TMPRSS9: variants seen among roughly 807,000 people sequenced by gnomAD.
TMPRSS9 encodes transmembrane serine protease 9, also known as transmembrane protease serine 9.
A neutral mutation model predicts 111.4 loss-of-function variants in TMPRSS9; 113 were observed. The observed-to-expected ratio is 1.01, with a 90% CI of 0.87 to 1.19. The LOEUF is 1.19. Ranked by LOEUF, TMPRSS9 falls within the 50% of genes most tolerant of loss-of-function variation. The probability of loss-of-function intolerance (pLI) is 0.00; values close to 1 mark genes in which losing one functional copy is unlikely to be tolerated. For synonymous variants in TMPRSS9, 805 were observed against 659.1 expected (o/e 1.22, Z -3.39); for missense variants, 1,803 against 1,513.1 (o/e 1.19, Z -3.18).
chr19:2,368,774 G>GTTT (rs762761358), intron 1 of TMPRSS9, among the ~76,000 whole-genome samples: 1,684 of 70,340 alleles, frequency 0.024, 244 homozygotes, highest in Non-Finnish European at 0.035. Flanking sequence ...GATAAACCCA[G>GTTT]TTTTTTTTTT....
At chr19:2,411,836 G>A (rs956430884) in intron 9 of TMPRSS9, among the ~76,000 whole-genome samples, 3 of 152,140 alleles carry the variant, frequency 2.0e-5, no homozygotes, top group Non-Finnish European at 4.4e-5. Context: ...ACAGGTGTGA[G>A]CCACCAGGCC....
At chr19:2,367,154 C>A (rs1319625658) in intron 1 of TMPRSS9, among the ~76,000 whole-genome samples, 1 of 152,160 alleles carries the variant, frequency 6.6e-6, no homozygotes, top group Admixed American at 6.6e-5. Flanking sequence ...ACAAGTGAGT[C>A]AATAAGTCCA....
chr19:2,389,979 G>C, intron 1 of TMPRSS9, 52 bp downstream of exon 2: 1 of 1,573,882 alleles, frequency 6.4e-7, no homozygotes, highest in South Asian at 1.1e-5. Flanking sequence ...CATGTGCAAA[G>C]TCACCGGGAA....
chr19:2,382,605 G>GACAC (rs145510194), intron 1 of TMPRSS9, among the ~76,000 whole-genome samples: 58,106 of 150,562 alleles, frequency 0.39, 11,408 homozygotes, highest in East Asian at 0.59. Context: ...CACACACACA[G>GACAC]ACACATGCAC....
chr19:2,424,111 G>A (rs368286341), exon 15 of TMPRSS9: 4 of 1,335,362 alleles, frequency 3.0e-6, no homozygotes, highest in East Asian at 3.0e-5. Context: ...CGCCGGCCGC[G>A]CTCACCAGGA....
intron 2 of TMPRSS9, 122 bp from the exon 4 acceptor site, chr19:2,398,673 G>A: frequency 2.1e-6 from 1 of 466,532 alleles, no homozygotes; most frequent in Admixed American, 3.7e-5. Context: ...AATAATAAAA[G>A]GAAATGCTTT....
intron 9 of TMPRSS9, among the ~76,000 whole-genome samples, chr19:2,410,619 G>A (rs1971075695): frequency 6.6e-6 from 1 of 152,126 alleles, no homozygotes; most frequent in South Asian, 2.1e-4. Context: ...GGCAGGTGCT[G>A]CTTAGAGGAT....
chr19:2,424,542 C>G (rs570539662), intron 15 of TMPRSS9, among the ~76,000 whole-genome samples: 7 of 140,522 alleles, frequency 5.0e-5, no homozygotes, highest in African/African-American at 8.1e-5. Context: ...CGGCCCCCCC[C>G]CTCCAGCTCC....
chr19:2,422,311 C>T (rs976367846), intron 14 of TMPRSS9, 64 bp downstream of exon 15: 1 of 1,462,850 alleles, frequency 6.8e-7, no homozygotes, highest in African/African-American at 1.4e-5. Context: ...CCTGGGCTGC[C>T]TAACAAGACA....
intron 13 of TMPRSS9, among the ~76,000 whole-genome samples, chr19:2,420,156 T>C (rs1254360187): frequency 7.4e-6 from 1 of 135,214 alleles, no homozygotes; most frequent in Non-Finnish European, 1.6e-5. Context: ...AGCAAGACCC[T>C]ATCTCAAAAA....
In TMPRSS9 at chr19:2,410,249, T is replaced by C; in HGVS notation, c.1118-9T>C. 6.2e-7 allele frequency: 1 copy of C among 1,613,696 alleles called. No individual in the cohort carries two copies. The highest frequency in any genetic ancestry group is 1.3e-5 in the African/African-American group (1 of 75,018). On this transcript the variant is annotated splice_polypyrimidine_tract_variant and intron_variant, in intron 8 of 17. Transcript: ENST00000648592. ...CTCTCACCCTGCTTTTCTCTCCCCA[T>C]TCGGCCAGTGGTCAAGCCAGAGGTG...
intron 13 of TMPRSS9, among the ~76,000 whole-genome samples, chr19:2,419,639 C>G (rs1266163908): frequency 2.0e-5 from 3 of 151,990 alleles, no homozygotes; most frequent in Admixed American, 6.6e-5. Context: ...GCCTCAGCCT[C>G]TGGAGTAGCT....
At chr19:2,374,859 A>G (rs562323892) in intron 1 of TMPRSS9, among the ~76,000 whole-genome samples, 2 of 152,334 alleles carry the variant, frequency 1.3e-5, no homozygotes, top group South Asian at 2.1e-4. Context: ...AAGGAGGGGA[A>G]GAGCGTTTCC....
intron 8 of TMPRSS9, among the ~76,000 whole-genome samples, chr19:2,409,146 T>C (rs934074144): frequency 1.3e-5 from 2 of 149,258 alleles, no homozygotes; most frequent in Non-Finnish European, 3.0e-5. Flanking sequence ...GCGATTTTTT[T>C]TTTTTTTTTT....
At chr19:2,361,356 T>C (rs955779845) in intron 1 of TMPRSS9, among the ~76,000 whole-genome samples, 2 of 13,034 alleles carry the variant, frequency 1.5e-4, no homozygotes, top group Non-Finnish European at 3.0e-4. Flanking sequence ...GGGTGGGAGG[T>C]GAGTCTGGGG....
At chr19:2,372,680 T>C (rs4806840) in intron 1 of TMPRSS9, among the ~76,000 whole-genome samples, 32,483 of 152,092 alleles carry the variant, frequency 0.21, 5,922 homozygotes, top group African/African-American at 0.49. Context: ...AAAGATTCAT[T>C]GAAACAGGCA....
At chr19:2,364,978 CAA>C (rs74649862) in intron 1 of TMPRSS9, among the ~76,000 whole-genome samples, 18 of 133,360 alleles carry the variant, frequency 1.3e-4, no homozygotes, top group Middle Eastern at 3.9e-3. Context: ...GACTCCATCT[CAA>C]AAAAAAAAAA....
exon 9 of TMPRSS9, chr19:2,410,388 C>T: frequency 6.2e-7 from 1 of 1,613,896 alleles, no homozygotes; most frequent in East Asian, 2.2e-5. Flanking sequence ...AGGTGGACTC[C>T]TGCCAGGTGA....
At chr19:2,389,167 G>A (rs1320694768), upstream of TMPRSS9, among the ~76,000 whole-genome samples, 3 of 149,998 alleles carry the variant, frequency 2.0e-5, no homozygotes, top group Middle Eastern at 3.6e-3. Flanking sequence ...TCCGCCTCCC[G>A]GGTTCAAGCG....
Sources: allele counts gnomAD v4.1 joint callset (sites outside exome capture counted in the v4.1 genomes callset), GRCh38; gene constraint gnomAD v4.1.1; transcripts MANE v1.5; gene names NCBI Gene and HGNC (gene_info 2026-07-23, HGNC 2026-07-21).